NEK10: variants seen among roughly 807,000 people sequenced by gnomAD.
NEK10 encodes the protein serine/threonine-protein kinase Nek10.
NEK10 carries 122 observed loss-of-function variants against 159.8 expected under a neutral mutation model. The ratio of observed to expected loss-of-function variants is 0.76; its 90% CI spans 0.66 to 0.89. The LOEUF is 0.89. Ranked by LOEUF, NEK10 falls within the 40% of genes least tolerant of loss-of-function variation. The pLI is 0.00. For missense variants in NEK10, 1,342 were observed against 1,323.1 expected, an observed-to-expected ratio of 1.01 and a Z score of -0.22; for synonymous variants, 466 against 457.1, an observed-to-expected ratio of 1.02 and a Z score of -0.25.
At chr3:27,344,050 C>T (rs923870949) in intron 5 of NEK10, among the ~76,000 whole-genome samples, 12 of 152,118 alleles carry the variant, frequency 7.9e-5, no homozygotes, top group Non-Finnish European at 1.3e-4. Flanking sequence ...AACATGATAA[C>T]GAGTGTTTTC....
chr3:27,251,260 C>T lies in NEK10; in HGVS notation c.2090+5036G>A, dbSNP rs114947895. Among the ~76,000 whole-genome samples, 444 of 152,296 alleles carry T rather than the reference C, an allele frequency of 2.9e-3. 4 individuals carry two copies. Among genetic ancestry groups the T allele is most frequent in the African/African-American group, 0.01 (432 of 41,552 alleles). On this transcript the variant is annotated intron_variant, in intron 23 of 35. Coordinates refer to ENST00000691995, the MANE Select transcript of NEK10 (RefSeq NM_001394966.1). ...GCTCTTGATAATGCCCTGTCTCTGT[C>T]AATACCATGGTCTTTTTCCAATTAT...
chr3:27,163,497 G>A (rs1946210372), intron 29 of NEK10, among the ~76,000 whole-genome samples: 1 of 151,928 alleles, frequency 6.6e-6, no homozygotes. Context: ...GACTACAGGT[G>A]CCCGCCACCA....
intron 23 of NEK10, among the ~76,000 whole-genome samples, chr3:27,219,001 G>T (rs930938039): frequency 1.3e-5 from 2 of 152,182 alleles, no homozygotes; most frequent in African/African-American, 2.4e-5. Context: ...CACAAGAAGG[G>T]TAAGAGATTT....
intron 30 of NEK10, among the ~76,000 whole-genome samples, chr3:27,149,760 G>GA (rs1426140495): frequency 6.6e-6 from 1 of 151,898 alleles, no homozygotes; most frequent in Non-Finnish European, 1.5e-5. Flanking sequence ...TGTTCAAGTG[G>GA]AAAAAAGAGT....
chr3:27,148,191 G>A (rs995120983), intron 30 of NEK10, among the ~76,000 whole-genome samples: 2 of 152,204 alleles, frequency 1.3e-5, no homozygotes, highest in African/African-American at 4.8e-5. Context: ...GCTTTCAGGA[G>A]AGGGAACTGC....
rs568940520 is a variant in NEK10, at chr3:27,206,361, ATAACT to A, written c.2091-3809_2091-3805del. Among the ~76,000 whole-genome samples, 9 of 152,330 alleles carry A rather than the reference ATAACT, an allele frequency of 5.9e-5. No individual in the cohort carries two copies. In the South Asian group the frequency reaches 1.9e-3, roughly 32 times the overall value. On this transcript the variant is annotated intron_variant, in intron 23 of 35. Coordinates refer to ENST00000691995, the MANE Select transcript of NEK10 (RefSeq NM_001394966.1). The stretch of plus-strand genomic sequence containing the variant: ...AAGATATAAAATAAAACACAAGAAA[ATAACT>A]TAAAAGTAAATGATGTTGTATTTTA...
At chr3:27,316,813 G>A (rs1266070406) in intron 6 of NEK10, among the ~76,000 whole-genome samples, 1 of 151,850 alleles carries the variant, frequency 6.6e-6, no homozygotes, top group Non-Finnish European at 1.5e-5. Context: ...AAGAGAGAGA[G>A]ACAGAGAGAA....
chr3:27,331,262 A>AAAAAAAAAAAAAAAAAACAAAAAAAAAC, intron 5 of NEK10, among the ~76,000 whole-genome samples: 1 of 110,082 alleles, frequency 9.1e-6, no homozygotes, highest in Non-Finnish European at 2.0e-5. Flanking sequence ...AAAAAAAAAA[A>AAAAAAAAAAAAAAAAAACAAAAAAAAAC]ACACACAAAC....
intron 30 of NEK10, among the ~76,000 whole-genome samples, chr3:27,152,661 C>T (rs1247849065): frequency 1.3e-5 from 2 of 151,106 alleles, no homozygotes; most frequent in Non-Finnish European, 3.0e-5. Flanking sequence ...CAGCACCTCA[C>T]ATTTCAATAC....
chr3:27,343,358 CAG>C (rs2047335062), intron 5 of NEK10, among the ~76,000 whole-genome samples: 1 of 152,126 alleles, frequency 6.6e-6, no homozygotes, highest in African/African-American at 2.4e-5. Context: ...TGGGCCAAGT[CAG>C]AGTTTTATTT....
chr3:27,146,273 T>C (rs1944289382), intron 30 of NEK10, among the ~76,000 whole-genome samples: 2 of 152,180 alleles, frequency 1.3e-5, no homozygotes, highest in Non-Finnish European at 2.9e-5. Flanking sequence ...ATTGAAACTA[T>C]AATTCACAAT....
intron 5 of NEK10, among the ~76,000 whole-genome samples, chr3:27,324,127 C>T (rs2045847869): frequency 6.6e-6 from 1 of 152,248 alleles, no homozygotes. Flanking sequence ...TTGGTGACAC[C>T]CACATCCCTT....
intron 5 of NEK10, among the ~76,000 whole-genome samples, chr3:27,339,828 G>A (rs1205586444): frequency 1.3e-5 from 2 of 149,730 alleles, no homozygotes; most frequent in Non-Finnish European, 3.0e-5. Context: ...ACGCCAGTTA[G>A]AATGGTGATT....
At chr3:27,350,052 A>G (rs1263807666) in intron 3 of NEK10, among the ~76,000 whole-genome samples, 1 of 152,152 alleles carries the variant, frequency 6.6e-6, no homozygotes, top group African/African-American at 2.4e-5. Context: ...TGCACTCTCT[A>G]CCTACAAGGT....
At chr3:27,334,011 C>T (rs552830420) in intron 5 of NEK10, among the ~76,000 whole-genome samples, 1 of 152,320 alleles carries the variant, frequency 6.6e-6, no homozygotes, top group African/African-American at 2.4e-5. Flanking sequence ...CTACCATGGC[C>T]AACACCTGTA....
At chr3:27,266,100 C>T (rs113832784) in intron 22 of NEK10, among the ~76,000 whole-genome samples, 2,507 of 152,164 alleles carry the variant, frequency 0.016, 78 homozygotes, top group African/African-American at 0.057. Flanking sequence ...CCACTGCGCC[C>T]GGCCTACAAT....
intron 26 of NEK10, among the ~76,000 whole-genome samples, chr3:27,188,664 G>T (rs977765414): frequency 6.6e-6 from 1 of 152,134 alleles, no homozygotes; most frequent in African/African-American, 2.4e-5. Context: ...ATTCTCTTCA[G>T]TCTCCCTGGA....
At chr3:27,234,704 A>T (rs1953709909) in intron 23 of NEK10, among the ~76,000 whole-genome samples, 1 of 152,154 alleles carries the variant, frequency 6.6e-6, no homozygotes, top group African/African-American at 2.4e-5. Context: ...CAATTCATAC[A>T]TTCAATGCTA....
intron 26 of NEK10, among the ~76,000 whole-genome samples, chr3:27,182,484 A>G (rs1327772836): frequency 1.3e-5 from 2 of 152,138 alleles, no homozygotes; most frequent in Non-Finnish European, 2.9e-5. Flanking sequence ...GAACCCTTGC[A>G]GACTGTTGGT....
Sources: allele counts gnomAD v4.1 joint callset (sites outside exome capture counted in the v4.1 genomes callset), GRCh38; gene constraint gnomAD v4.1.1; transcripts MANE v1.5; gene names NCBI Gene and HGNC (gene_info 2026-07-23, HGNC 2026-07-21).